MDFIC: variants seen among roughly 807,000 people sequenced by gnomAD.
The protein encoded by MDFIC is myoD family inhibitor domain-containing protein.
MDFIC carries 17 observed loss-of-function variants against 23.2 expected under a neutral mutation model. The ratio of observed to expected loss-of-function variants is 0.73; its 90% CI spans 0.50 to 1.10. MDFIC has a LOEUF of 1.10. Ranked by LOEUF, MDFIC falls within the 50% of genes least tolerant of loss-of-function variation. MDFIC has a pLI of 0.00. For missense variants in MDFIC, 356 were observed against 316.6 expected (o/e 1.12, Z -0.95); for synonymous variants, 120 against 115.2 (o/e 1.04, Z -0.27).
intron 4 of MDFIC, among the ~76,000 whole-genome samples, chr7:114,987,245 A>T (rs1399449391): frequency 6.6e-6 from 1 of 152,150 alleles, no homozygotes; most frequent in African/African-American, 2.4e-5. Flanking sequence ...TAAAATTGAA[A>T]TTGAGTTGTT....
intron 3 of MDFIC, among the ~76,000 whole-genome samples, chr7:114,947,511 A>G (rs1792670429): frequency 6.6e-6 from 1 of 152,170 alleles, no homozygotes; most frequent in African/African-American, 2.4e-5. Flanking sequence ...TCATTGGTCA[A>G]TGGCAGCCAT....
chr7:114,992,135 G>T (rs1048614650), intron 4 of MDFIC, among the ~76,000 whole-genome samples: 1 of 152,174 alleles, frequency 6.6e-6, no homozygotes, highest in African/African-American at 2.4e-5. Flanking sequence ...GTTCACTCAT[G>T]ATTTGGCTCT....
chr7:114,975,544 G>A lies in MDFIC; in HGVS notation c.218-3962G>A, dbSNP rs564928257. 1.9e-3 allele frequency among the ~76,000 whole-genome samples: 258 copies of A among 133,382 alleles called. 2 individuals are homozygous for A. The highest frequency in any genetic ancestry group is 6.5e-3 in the African/African-American group (237 of 36,418). 87.5% of individuals were successfully genotyped at this position (133,382 alleles called of 152,430 possible). A position where few individuals can be genotyped will look rare whatever the true frequency, so the allele number is the denominator to read the frequency against. On this transcript the variant is annotated intron_variant, in intron 3 of 4. Transcript: ENST00000393486. ...CTTGTGTTTTAAGAAGCATTGTGTC[G>A]TTTCCATATTAGCATGCTTTTTTTT...
At chr7:114,961,839 C>A (rs1482082952) in intron 3 of MDFIC, among the ~76,000 whole-genome samples, 2 of 152,154 alleles carry the variant, frequency 1.3e-5, no homozygotes, top group Non-Finnish European at 2.9e-5. Context: ...TCCTACAACA[C>A]TGGAGATTAC....
In MDFIC at chr7:115,017,707, C is replaced by T. The variant is rs1791821105; in HGVS notation, c.*1772C>T. ...GGAGAGTAAATTTTCATACCATGCT[C>T]TCTCCTACTCAGTTTGATCTCTCTA... On this transcript the variant is annotated 3_prime_UTR_variant, in exon 5 of 5. Transcript: ENST00000393486. 6.6e-6 allele frequency: 1 copy of T among 152,422 alleles called. No homozygotes were observed. Among genetic ancestry groups the T allele is most frequent in the African/African-American group, 2.4e-5 (1 of 41,424 alleles). 9.4% of individuals were successfully genotyped at this position (152,422 alleles called of 1,614,324 possible).
intron 3 of MDFIC, among the ~76,000 whole-genome samples, chr7:114,972,078 A>G (rs1029376268): frequency 1.3e-5 from 2 of 152,168 alleles, no homozygotes; most frequent in East Asian, 3.9e-4. Context: ...CTCCCCGTAC[A>G]TAGGAGGATC....
In MDFIC at chr7:115,015,790, C is replaced by T. The variant is rs151175100; in HGVS notation, c.596C>T (p.Ala199Val). The change falls in exon 5 of 5, where the codon GCC (alanine) becomes GTC (valine). Residue 199 changes from alanine to valine, a missense_variant. By Grantham distance (64) the Ala-to-Val change is moderately conservative. Coordinates refer to ENST00000393486, the MANE Select transcript of MDFIC (RefSeq NM_001166345.3). ...QASCGICTSE[A>V]CCCCCGDEMG... ...TCATGTGGCATCTGCACCTCAGAAGCCTGCTGCTGTTGCTGTGGTGACGAG... is the reference window on the plus strand; with the variant it reads ...TCATGTGGCATCTGCACCTCAGAAGTCTGCTGCTGTTGCTGTGGTGACGAG... 2 of 1,614,172 alleles carry T rather than the reference C, an allele frequency of 1.2e-6. No homozygotes were observed. The highest frequency in any genetic ancestry group is 1.7e-6 in the Non-Finnish European group (2 of 1,180,026).
intron 4 of MDFIC, among the ~76,000 whole-genome samples, chr7:115,000,389 G>A (rs1791438162): frequency 6.6e-6 from 1 of 152,048 alleles, no homozygotes; most frequent in South Asian, 2.1e-4. Flanking sequence ...ATGTGTCCCT[G>A]TATTTAAACA....
At chr7:114,988,836 G>A (rs1303218836) in intron 4 of MDFIC, among the ~76,000 whole-genome samples, 1 of 152,142 alleles carries the variant, frequency 6.6e-6, no homozygotes. Context: ...ATTCATATTT[G>A]TTCTCATAGA....
Position 115,016,231 on chromosome 7 carries a change from C to A in MDFIC, c.*296C>A, listed in dbSNP as rs1791792778. The A allele has an allele frequency of 3.1e-6, 1 of 327,468 alleles. No homozygotes were observed. Among genetic ancestry groups the A allele is most frequent in the Admixed American group, 4.8e-5 (1 of 20,996 alleles). 20.3% of individuals were successfully genotyped at this position (327,468 alleles called of 1,614,324 possible). A position where few individuals can be genotyped will look rare whatever the true frequency, so the allele number is the denominator to read the frequency against. On this transcript the variant is annotated 3_prime_UTR_variant, in exon 5 of 5. Coordinates refer to ENST00000393486, the MANE Select transcript of MDFIC (RefSeq NM_001166345.3). ...TGCCTTCTCCTTTTTACCGATATTT[C>A]TGTTTCTTTTAACCGTTCTCAGGAG...
chr7:114,936,704 G>T (rs924162613), intron 2 of MDFIC, among the ~76,000 whole-genome samples: 1 of 152,178 alleles, frequency 6.6e-6, no homozygotes, highest in Non-Finnish European at 1.5e-5. Context: ...AACTAGCTGA[G>T]CTGCAGAGGA....
chr7:114,971,615 C>T (rs559816174), intron 3 of MDFIC, among the ~76,000 whole-genome samples: 1 of 152,258 alleles, frequency 6.6e-6, no homozygotes, highest in East Asian at 1.9e-4. Context: ...CTTTTATCCT[C>T]AAATGAATGA....
At chr7:114,985,286 C>T (rs527334608) in intron 4 of MDFIC, among the ~76,000 whole-genome samples, 43 of 151,896 alleles carry the variant, frequency 2.8e-4, no homozygotes, top group Non-Finnish European at 5.4e-4. Flanking sequence ...ATGAAGTGTT[C>T]GATATGTGTT....
intron 4 of MDFIC, among the ~76,000 whole-genome samples, chr7:114,997,567 T>C (rs1791359891): frequency 9.3e-6 from 1 of 108,058 alleles, no homozygotes; most frequent in South Asian, 3.0e-4. Flanking sequence ...CTGGACCTCA[T>C]CTCTACAGGA....
chr7:114,932,994 C>G (rs1162756870), intron 2 of MDFIC, among the ~76,000 whole-genome samples: 1 of 152,180 alleles, frequency 6.6e-6, no homozygotes, highest in Non-Finnish European at 1.5e-5. Context: ...CTCTGAAATG[C>G]TCTTACAGAT....
At chr7:114,982,849 C>T (rs1242926782) in intron 4 of MDFIC, among the ~76,000 whole-genome samples, 2 of 152,156 alleles carry the variant, frequency 1.3e-5, no homozygotes, top group Non-Finnish European at 2.9e-5. Flanking sequence ...TAAGATGATG[C>T]CTTGTTGCTG....
At chr7:114,944,718 C>T (rs1469897584) in intron 3 of MDFIC, among the ~76,000 whole-genome samples, 1 of 152,186 alleles carries the variant, frequency 6.6e-6, no homozygotes, top group Admixed American at 6.5e-5. Flanking sequence ...GTATTTTCCT[C>T]TTGCTTAAGC....
At chr7:114,988,188 G>A (rs1214817325) in intron 4 of MDFIC, among the ~76,000 whole-genome samples, 2 of 152,156 alleles carry the variant, frequency 1.3e-5, no homozygotes, top group African/African-American at 4.8e-5. Context: ...AATTAGCTCA[G>A]CATTCACTCA....
At chr7:114,967,830 C>CTTTTTTT (rs56343596) in intron 3 of MDFIC, among the ~76,000 whole-genome samples, 2 of 118,800 alleles carry the variant, frequency 1.7e-5, no homozygotes, top group African/African-American at 3.1e-5. Flanking sequence ...TCTTTCTTTT[C>CTTTTTTT]TTTTTTTTTT....
Sources: gnomAD v4.1 joint callset for allele counts (sites outside exome capture counted in the v4.1 genomes callset) on GRCh38, gnomAD v4.1.1 for gene constraint, MANE v1.5 for transcripts, NCBI Gene and HGNC (gene_info 2026-07-23, HGNC 2026-07-21) for gene names.